RBFOX1: variants seen among roughly 807,000 people sequenced by gnomAD.
The protein encoded by RBFOX1 is RNA binding fox-1 homolog 1, also known as RNA binding protein fox-1 homolog 1.
In RBFOX1, 8 loss-of-function variants were observed where a neutral mutation model predicts 57.7. That is an observed-to-expected ratio of 0.14 (90% CI 0.08 to 0.25). The LOEUF is 0.25. RBFOX1 is among the 10% of genes least tolerant of loss of function. RBFOX1 has a pLI of 1.00. For synonymous variants in RBFOX1, 326 were observed against 222.4 expected (o/e 1.47, Z -4.15); for missense variants, 611 against 548.5 (o/e 1.11, Z -1.14).
chr16:5,538,028 T>G (rs1206513834), intron 2 of RBFOX1, among the ~76,000 whole-genome samples: 1 of 152,090 alleles, frequency 6.6e-6, no homozygotes, highest in African/African-American at 2.4e-5. Context: ...ACCATGAATT[T>G]CTCCAGATCT....
At chr16:7,257,191 A>G (rs545022285) in intron 4 of RBFOX1, among the ~76,000 whole-genome samples, 1 of 152,232 alleles carries the variant, frequency 6.6e-6, no homozygotes, top group East Asian at 1.9e-4. Context: ...TCTCATTAAG[A>G]CTTAATCGCT....
rs543518398 is a variant in RBFOX1 at position 6,519,170 on chromosome 16, C to T, written c.-63-135433C>T. Among the ~76,000 whole-genome samples the T allele has an allele frequency of 5.9e-5, 9 of 151,998 alleles. No individual in the cohort carries two copies. The South Asian group carries it at 8.3e-4, about 14-fold the overall frequency. On this transcript the variant is annotated intron_variant, in intron 2 of 15. Transcript: ENST00000550418. Reference sequence around the variant, plus strand: ...TCTGCAGTCAAGATATGGGGGGAACCGTCTGTGTAATTTATCTCTAAAATG... The same window carrying T: ...TCTGCAGTCAAGATATGGGGGGAACTGTCTGTGTAATTTATCTCTAAAATG...
chr16:5,840,858 G>A (rs2056603663), intron 3 of RBFOX1, among the ~76,000 whole-genome samples: 1 of 152,180 alleles, frequency 6.6e-6, no homozygotes, highest in Admixed American at 6.5e-5. Context: ...GTGCCTGTCT[G>A]GGTGAGAGCT....
At chr16:7,166,474 G>A (rs531344517) in intron 4 of RBFOX1, among the ~76,000 whole-genome samples, 1 of 152,160 alleles carries the variant, frequency 6.6e-6, no homozygotes, top group South Asian at 2.1e-4. Context: ...TGAAAGAGAA[G>A]AACAGGGTGG....
chr16:6,951,737 T>C (rs2080805289), intron 3 of RBFOX1, among the ~76,000 whole-genome samples: 1 of 152,126 alleles, frequency 6.6e-6, no homozygotes, highest in Non-Finnish European at 1.5e-5. Context: ...TCTCTCTTTT[T>C]TCTCTCTCTC....
intron 4 of RBFOX1, among the ~76,000 whole-genome samples, chr16:5,900,688 C>T (rs1255303124): frequency 2.0e-5 from 3 of 152,168 alleles, no homozygotes; most frequent in Non-Finnish European, 4.4e-5. Context: ...CGCAGCTCTC[C>T]AGCAAGTCAT....
At chr16:6,106,948 G>A (rs760444230) in intron 1 of RBFOX1, among the ~76,000 whole-genome samples, 2 of 152,104 alleles carry the variant, frequency 1.3e-5, no homozygotes, top group Non-Finnish European at 2.9e-5. Context: ...TGGGATTACA[G>A]GCGTGAGCCA....
chr16:6,956,123 G>C (rs1348647499), intron 3 of RBFOX1, among the ~76,000 whole-genome samples: 1 of 152,182 alleles, frequency 6.6e-6, no homozygotes, highest in Non-Finnish European at 1.5e-5. Flanking sequence ...AGAGGCTGGA[G>C]TTGTAAATGG....
At chr16:6,912,990 C>A (rs889923316) in intron 3 of RBFOX1, among the ~76,000 whole-genome samples, 1 of 152,050 alleles carries the variant, frequency 6.6e-6, no homozygotes, top group Non-Finnish European at 1.5e-5. Context: ...TTACCCAACA[C>A]TGTGCTTTAT....
chr16:6,666,520 A>T lies in RBFOX1; in HGVS notation c.-16+11870A>T, dbSNP rs915993917. Among the ~76,000 whole-genome samples, 56 of 146,280 alleles carry T rather than the reference A, an allele frequency of 3.8e-4. 1 individual carries two copies. Among genetic ancestry groups the T allele is most frequent in the African/African-American group, 1.3e-3 (50 of 38,344 alleles). ...ACACCACTGCACTCCAGCCTGGGTGACAGAGTAAGACTCTGTCTCCAAAAA... is the reference window on the plus strand; with the variant it reads ...ACACCACTGCACTCCAGCCTGGGTGTCAGAGTAAGACTCTGTCTCCAAAAA... On this transcript the variant is annotated intron_variant, in intron 3 of 15. Coordinates refer to ENST00000550418, the MANE Select transcript of RBFOX1 (RefSeq NM_018723.4).
In RBFOX1 at chr16:5,947,961, A is replaced by AT. The variant is rs559529142; in HGVS notation, c.351+80628dup. On this transcript the variant is annotated intron_variant, in intron 4 of 19. Coordinates refer to the RBFOX1 transcript ENST00000641259. This position sits in a 1 kb window ranked among gnomAD's most constrained non-coding sequence, Gnocchi z 7.2. ...TTGCAAATGCATCACCAGATTCTTG[A>AT]TTGAATTCCCTTTTGACCGTGGCGC... Among the ~76,000 whole-genome samples, 1 of 152,306 alleles carries AT rather than the reference A, an allele frequency of 6.6e-6. No individual in the cohort carries two copies. Among genetic ancestry groups the AT allele is most frequent in the South Asian group, 2.1e-4 (1 of 4,820 alleles).
At chr16:7,640,525 C>T (rs760309361) in intron 11 of RBFOX1, among the ~76,000 whole-genome samples, 1 of 152,268 alleles carries the variant, frequency 6.6e-6, no homozygotes. Flanking sequence ...CTAGAGGATG[C>T]TTTTGCTTTG....
At chr16:6,812,628 C>T (rs1301030627) in intron 3 of RBFOX1, among the ~76,000 whole-genome samples, 3 of 152,126 alleles carry the variant, frequency 2.0e-5, no homozygotes, top group African/African-American at 7.2e-5. Flanking sequence ...CCACCCGCCT[C>T]AGCCTACCAC....
chr16:6,988,679 C>T (rs991715659), intron 3 of RBFOX1, among the ~76,000 whole-genome samples: 4 of 151,552 alleles, frequency 2.6e-5, no homozygotes, highest in Non-Finnish European at 5.9e-5. Context: ...CAGCCTCAGC[C>T]TTAGCCTCCT....
intron 4 of RBFOX1, among the ~76,000 whole-genome samples, chr16:7,200,960 G>C (rs537253792): frequency 1.3e-5 from 2 of 152,182 alleles, no homozygotes; most frequent in Admixed American, 6.5e-5. Flanking sequence ...ATGTAGCCCT[G>C]AACTTCTTGT....
At chr16:6,967,478 G>A (rs1425959188) in intron 3 of RBFOX1, among the ~76,000 whole-genome samples, 1 of 152,104 alleles carries the variant, frequency 6.6e-6, no homozygotes, top group Non-Finnish European at 1.5e-5. Flanking sequence ...GGATAGGATA[G>A]GAGCAGTGGA....
intron 1 of RBFOX1, among the ~76,000 whole-genome samples, chr16:6,131,431 C>A (rs571129732): frequency 8.5e-5 from 13 of 152,190 alleles, no homozygotes; most frequent in African/African-American, 4.8e-5. Flanking sequence ...TATTTATGAT[C>A]TAGCCCTTTC....
chr16:5,796,239 T>C (rs2054873513), intron 3 of RBFOX1, among the ~76,000 whole-genome samples: 1 of 152,196 alleles, frequency 6.6e-6, no homozygotes, highest in African/African-American at 2.4e-5. Context: ...GATCTGGATC[T>C]GGAAGGAAGT....
rs1410548120 is a variant in RBFOX1, at chr16:5,792,570, C to T, written c.319-74733C>T. 2.0e-5 allele frequency among the ~76,000 whole-genome samples: 3 copies of T among 152,310 alleles called. No individual in the cohort carries two copies. In the East Asian group the frequency reaches 5.8e-4, roughly 29 times the overall value. On this transcript the variant is annotated intron_variant, in intron 3 of 19. Coordinates refer to the RBFOX1 transcript ENST00000641259. ...AGAATATCATAAATATGGCTGGGTG[C>T]AGTGGCTCATGCCTGTAATCCCAGC...
Sources: gnomAD v4.1 joint callset for allele counts (sites outside exome capture counted in the v4.1 genomes callset) on GRCh38, gnomAD v4.1.1 for gene constraint, Gnocchi (gnomAD v3.1) non-coding constraint, MANE v1.5 for transcripts, NCBI Gene and HGNC (gene_info 2026-07-23, HGNC 2026-07-21) for gene names.